The following CAMTA1 variants were observed in gnomAD, a reference collection of about 807,000 sequenced individuals.
CAMTA1 encodes calmodulin-binding transcription activator 1.
In CAMTA1, 27 loss-of-function variants were observed where a neutral mutation model predicts 170.9. The ratio of observed to expected loss-of-function variants is 0.16; its 90% CI spans 0.12 to 0.22. The LOEUF (loss-of-function observed/expected upper bound fraction) is 0.22, where lower values mean the gene tolerates loss of function less well. Among genes scored for constraint, CAMTA1 ranks in the 10% least tolerant of loss-of-function variants. The pLI is 1.00. For synonymous variants in CAMTA1, 833 were observed against 891.5 expected, an observed-to-expected ratio of 0.93 and a Z score of 1.17; for missense variants, 1,619 against 2,217.2, an observed-to-expected ratio of 0.73 and a Z score of 5.42.
intron 3 of CAMTA1, among the ~76,000 whole-genome samples, chr1:6,892,550 C>G (rs1674720765): frequency 6.6e-6 from 1 of 151,432 alleles, no homozygotes; most frequent in South Asian, 2.1e-4. Context: ...ACCTTGGGAT[C>G]CAATCTGAAA....
rs1283067643 is a variant in CAMTA1, at chr1:7,396,591, CA to C, written c.439-71238del. ...CTTATTCCAGATCTTAGAAGAAAAGCATTTAATTTTTTCCAGTTCAATATGA... is the reference window on the plus strand; with the variant it reads ...CTTATTCCAGATCTTAGAAGAAAAGCTTTAATTTTTTCCAGTTCAATATGA... On this transcript the variant is annotated intron_variant, in intron 5 of 22. Transcript: ENST00000303635. Among the ~76,000 whole-genome samples the C allele has an allele frequency of 3.3e-5, 5 of 152,104 alleles. No individual in the cohort carries two copies. In the East Asian group the frequency reaches 9.6e-4, roughly 29 times the overall value.
chr1:6,911,575 T>C (rs936072800), intron 3 of CAMTA1, among the ~76,000 whole-genome samples: 2 of 151,740 alleles, frequency 1.3e-5, no homozygotes, highest in African/African-American at 2.4e-5. Flanking sequence ...TAAATGATCT[T>C]CATGTTTGAG....
Position 7,664,395 on chromosome 1 carries a change from C to T in CAMTA1, c.1848C>T (p.Phe616=). The T allele has an allele frequency of 6.2e-7, 1 of 1,613,710 alleles. No individual in the cohort carries two copies. The highest frequency in any genetic ancestry group is 8.5e-7 in the Non-Finnish European group (1 of 1,179,998). ...TCCACCAGACCCCCTCCCCGAGCTT[C>T]TTCCTGCAGGACGCCAGCAAACCCC... ...PHIHQTPSPS[F]FLQDASKPLP... is the part of the protein sequence containing the mutation. The change falls in exon 9 of 23, where the codon TTC becomes TTT. Residue 616 remains phenylalanine (F), a synonymous_variant. Coordinates refer to ENST00000303635, the MANE Select transcript of CAMTA1 (RefSeq NM_015215.4).
intron 5 of CAMTA1, among the ~76,000 whole-genome samples, chr1:7,437,151 C>T (rs1258297246): frequency 2.6e-5 from 4 of 152,234 alleles, no homozygotes; most frequent in Non-Finnish European, 4.4e-5. Context: ...GCCCTATCCT[C>T]CCCGGATGCC....
intron 6 of CAMTA1, among the ~76,000 whole-genome samples, chr1:7,542,200 C>T (rs1371974187): frequency 6.6e-6 from 1 of 152,090 alleles, no homozygotes; most frequent in Non-Finnish European, 1.5e-5. Flanking sequence ...ATAAAAACCA[C>T]CTATAATCCC....
intron 5 of CAMTA1, among the ~76,000 whole-genome samples, chr1:7,446,393 A>G (rs2092681700): frequency 6.6e-6 from 1 of 152,146 alleles, no homozygotes; most frequent in African/African-American, 2.4e-5. Flanking sequence ...TTTGATCACA[A>G]AAGCTGCTTG....
intron 16 of CAMTA1, among the ~76,000 whole-genome samples, chr1:7,741,299 C>A (rs2096812117): frequency 6.6e-6 from 1 of 152,112 alleles, no homozygotes; most frequent in African/African-American, 2.4e-5. Flanking sequence ...CGCGGTGGCT[C>A]ACACCTGTAA....
intron 6 of CAMTA1, among the ~76,000 whole-genome samples, chr1:7,614,971 C>T (rs373070242): frequency 9.8e-5 from 15 of 152,342 alleles, no homozygotes; most frequent in South Asian, 4.1e-4. Context: ...ATTTCCCAAC[C>T]GCTGCTTCTT....
At chr1:7,383,064 G>A (rs943899528) in intron 5 of CAMTA1, among the ~76,000 whole-genome samples, 3 of 152,150 alleles carry the variant, frequency 2.0e-5, no homozygotes, top group Non-Finnish European at 2.9e-5. Flanking sequence ...GGAGCTTAGC[G>A]TTCTATGTGG....
intron 4 of CAMTA1, among the ~76,000 whole-genome samples, chr1:7,168,499 T>C (rs1221402566): frequency 6.6e-6 from 1 of 152,072 alleles, no homozygotes; most frequent in African/African-American, 2.4e-5. Flanking sequence ...GCCTCCCAGG[T>C]TCAAGCAGTT....
In CAMTA1 at chr1:6,785,511, C is replaced by G. The variant is rs1336515065; in HGVS notation, c.-20C>G. The G allele has an allele frequency of 4.8e-6, 5 of 1,042,726 alleles. No homozygotes were observed. The highest frequency in any genetic ancestry group is 5.8e-6 in the Non-Finnish European group (5 of 858,988). The allele number at this position is 1,042,726 out of a possible 1,614,324, so 64.6% of individuals were successfully genotyped here. On this transcript the variant is annotated 5_prime_UTR_variant, in exon 1 of 23. Coordinates refer to ENST00000303635, the MANE Select transcript of CAMTA1 (RefSeq NM_015215.4). ...GGTACGAGGCGCGCGCTCGGGGTCCCGGTCGCGAGGAGGAGGAGGATGTGG... is the reference window on the plus strand; with the variant it reads ...GGTACGAGGCGCGCGCTCGGGGTCCGGGTCGCGAGGAGGAGGAGGATGTGG...
intron 5 of CAMTA1, among the ~76,000 whole-genome samples, chr1:7,356,825 C>T (rs1434899301): frequency 6.6e-6 from 1 of 152,238 alleles, no homozygotes; most frequent in South Asian, 2.1e-4. Context: ...TACTTAACTT[C>T]TCTGAGCCTT....
intron 5 of CAMTA1, chr1:7,382,863 G>GATAGATAGAT (rs1335501011): frequency 1.5e-5 from 2 of 136,848 alleles, no homozygotes; most frequent in African/African-American, 5.3e-5. Flanking sequence ...TAGATAGATA[G>GATAGATAGAT]ATAGATAGAT....
At chr1:6,878,642 A>G (rs1312965380) in intron 3 of CAMTA1, among the ~76,000 whole-genome samples, 3 of 152,224 alleles carry the variant, frequency 2.0e-5, no homozygotes, top group African/African-American at 4.8e-5. Flanking sequence ...CTTCTCTCAT[A>G]TCTTAGCACT....
At chr1:7,514,495 C>G (rs1557849243) in intron 6 of CAMTA1, among the ~76,000 whole-genome samples, 2 of 152,304 alleles carry the variant, frequency 1.3e-5, no homozygotes, top group East Asian at 3.9e-4. Flanking sequence ...AGAGGGAGCA[C>G]CAGGGGCTGG....
Position 7,123,502 on chromosome 1 carries a change from C to T in CAMTA1, c.302+32131C>T, listed in dbSNP as rs551250761. 3.9e-5 allele frequency among the ~76,000 whole-genome samples: 6 copies of T among 152,272 alleles called. No homozygotes were observed. In the South Asian group the frequency reaches 6.2e-4, roughly 16 times the overall value. ...ACCATTCATCCTATAGTAGGTGCCA[C>T]GTCTGCTGCGTGCCCCTGCCCTCTC... On this transcript the variant is annotated intron_variant, in intron 4 of 22. Transcript: ENST00000303635.
intron 5 of CAMTA1, among the ~76,000 whole-genome samples, chr1:7,277,493 AAG>A: frequency 1.3e-5 from 1 of 78,954 alleles, no homozygotes; most frequent in South Asian, 4.4e-4. Context: ...GTGTGTGTGT[AAG>A]AGAGAGAGAC....
At chr1:7,749,598 T>G (rs567120932) in intron 19 of CAMTA1, among the ~76,000 whole-genome samples, 2 of 151,084 alleles carry the variant, frequency 1.3e-5, no homozygotes, top group Non-Finnish European at 2.9e-5. Context: ...GAAGGCATTA[T>G]TTTTGGAAAG....
intron 4 of CAMTA1, among the ~76,000 whole-genome samples, chr1:7,208,618 C>T (rs767849738): frequency 2.0e-5 from 3 of 152,106 alleles, no homozygotes; most frequent in East Asian, 1.9e-4. Flanking sequence ...CTTGTGGGTC[C>T]GAGAAGAGGC....
Sources: gnomAD v4.1 joint callset for allele counts (sites outside exome capture counted in the v4.1 genomes callset) on GRCh38, gnomAD v4.1.1 for gene constraint, MANE v1.5 for transcripts, NCBI Gene and HGNC (gene_info 2026-07-23, HGNC 2026-07-21) for gene names.